The following ALMS1 variants were observed in gnomAD, a reference collection of about 807,000 sequenced individuals.
ALMS1 encodes the protein ALMS1 centrosome and basal body associated protein, also known as centrosome-associated protein ALMS1.
ALMS1 carries 271 observed loss-of-function variants against 352.2 expected under a neutral mutation model. The observed-to-expected ratio is 0.77, with a 90% CI of 0.70 to 0.85. The LOEUF is 0.85. Ranked by LOEUF, ALMS1 falls within the 40% of genes least tolerant of loss-of-function variation. The probability of loss-of-function intolerance (pLI) is 0.00; values close to 1 mark genes in which losing one functional copy is unlikely to be tolerated. For synonymous variants in ALMS1, 1,865 were observed against 1,761.2 expected (o/e 1.06, Z -1.48); for missense variants, 5,445 against 4,870.7 (o/e 1.12, Z -3.51).
intron 16 of ALMS1, among the ~76,000 whole-genome samples, chr2:73,590,306 A>G (rs188860450): frequency 6.1e-4 from 93 of 152,314 alleles, no homozygotes; most frequent in African/African-American, 1.6e-3. Flanking sequence ...CTTGATTTAA[A>G]TATCTGGTAA....
At chr2:73,410,066 T>C (rs2103679386) in intron 2 of ALMS1, among the ~76,000 whole-genome samples, 1 of 152,272 alleles carries the variant, frequency 6.6e-6, no homozygotes, top group Admixed American at 6.5e-5. Flanking sequence ...TTTACTTAGT[T>C]TCCAGATTCA....
intron 1 of ALMS1, among the ~76,000 whole-genome samples, chr2:73,390,072 C>T (rs1200110135): frequency 6.6e-6 from 1 of 151,878 alleles, no homozygotes. Flanking sequence ...TTTTTCTTTC[C>T]CCTGAGAAAA....
rs200684911 is a variant in ALMS1, at chr2:73,453,808, G to A, written c.7281G>A (p.Ser2427=). ...SDASDGNGSC[S]WDSNLPESLE... ...CCAGTGATGGAAATGGTTCCTGCTC[G>A]TGGGACAGTAATTTACCAGAGTCTT... The change falls in exon 8 of 23, where the codon TCG becomes TCA. Residue 2427 remains serine (S), a synonymous_variant. Coordinates refer to ENST00000613296, the MANE Select transcript of ALMS1 (RefSeq NM_001378454.1). 1.2e-5 allele frequency: 20 copies of A among 1,613,996 alleles called. No homozygotes were observed. Among genetic ancestry groups the A allele is most frequent in the African/African-American group, 5.3e-5 (4 of 74,902 alleles).
chr2:73,509,023 A>G (rs776924021), intron 10 of ALMS1, among the ~76,000 whole-genome samples: 3 of 151,680 alleles, frequency 2.0e-5, no homozygotes, highest in Non-Finnish European at 4.4e-5. Context: ...AGTCTGTTTT[A>G]TCAGAGACTA....
chr2:73,449,638 C>T lies in ALMS1; in HGVS notation c.3111C>T (p.Asp1037=), dbSNP rs1671884843. The T allele has an allele frequency of 1.2e-6, 2 of 1,614,046 alleles. No individual in the cohort carries two copies. The highest frequency in any genetic ancestry group is 1.7e-6 in the Non-Finnish European group (2 of 1,179,964). The change falls in exon 8 of 23, where the codon GAC becomes GAT. Residue 1037 remains aspartate, a synonymous_variant. Transcript: ENST00000613296. The part of the protein sequence containing the change: ...LKVSTGPGPA[D]QKTEIPAVQS... ...TTTCAACTGGCCCTGGACCAGCTGA[C>T]CAGAAGACTGAGATACCAGCAGTAC...
chr2:73,457,178 G>T (rs1672083122), intron 9 of ALMS1: 1 of 151,960 alleles, frequency 6.6e-6, no homozygotes, highest in Non-Finnish European at 1.5e-5. Flanking sequence ...CAAAAACCAT[G>T]AACTGCTGCC....
intron 10 of ALMS1, among the ~76,000 whole-genome samples, chr2:73,504,801 T>C (rs1673287198): frequency 6.6e-6 from 1 of 152,160 alleles, no homozygotes; most frequent in African/African-American, 2.4e-5. Flanking sequence ...TACATAGGTA[T>C]ACATGTGCCA....
intron 1 of ALMS1, among the ~76,000 whole-genome samples, chr2:73,402,605 G>T (rs948877592): frequency 6.6e-6 from 1 of 151,966 alleles, no homozygotes; most frequent in Non-Finnish European, 1.5e-5. Flanking sequence ...ACTGTTTTCC[G>T]CAATTGCTGC....
intron 15 of ALMS1, among the ~76,000 whole-genome samples, chr2:73,563,682 C>G (rs551818930): frequency 7.3e-6 from 1 of 136,390 alleles, no homozygotes; most frequent in South Asian, 2.3e-4. Flanking sequence ...GAGATCACGC[C>G]ACTGCACTCC....
At chr2:73,417,184 A>C (rs903324030) in intron 2 of ALMS1, among the ~76,000 whole-genome samples, 2 of 152,190 alleles carry the variant, frequency 1.3e-5, no homozygotes, top group African/African-American at 2.4e-5. Flanking sequence ...AAATTCAAGA[A>C]ATAGAGAAAA....
intron 1 of ALMS1, among the ~76,000 whole-genome samples, chr2:73,388,120 T>G (rs751970926): frequency 1.6e-4 from 24 of 152,296 alleles, no homozygotes; most frequent in Non-Finnish European, 2.5e-4. Flanking sequence ...GCTAGAGATT[T>G]CAAGTTGTAA....
At chr2:73,601,804 G>A (rs1305449820) in intron 19 of ALMS1, among the ~76,000 whole-genome samples, 4 of 152,180 alleles carry the variant, frequency 2.6e-5, no homozygotes, top group Non-Finnish European at 4.4e-5. Flanking sequence ...GCTCCATGTC[G>A]GATTTAAAGG....
At chr2:73,386,272 A>G (rs956885717) in intron 1 of ALMS1, 80 bp downstream of exon 1, 13 of 1,415,958 alleles carry the variant, frequency 9.2e-6, no homozygotes, top group Admixed American at 2.8e-5. Context: ...GCCCGCCCGC[A>G]GGTCACGCCG....
chr2:73,481,056 G>C (rs868324430), intron 9 of ALMS1, among the ~76,000 whole-genome samples: 4,266 of 151,340 alleles, frequency 0.028, 192 homozygotes, highest in African/African-American at 0.097. Flanking sequence ...AGTTTCTTTT[G>C]CTGTGCAGAA....
chr2:73,434,063 T>C (rs184013764), intron 7 of ALMS1, among the ~76,000 whole-genome samples: 70 of 152,172 alleles, frequency 4.6e-4, no homozygotes, highest in African/African-American at 1.7e-3. Context: ...TAAACTGGTT[T>C]CTTTATTTTT....
intron 16 of ALMS1, among the ~76,000 whole-genome samples, chr2:73,594,677 T>G (rs1173752683): frequency 6.6e-6 from 1 of 152,200 alleles, no homozygotes; most frequent in African/African-American, 2.4e-5. Context: ...TTAACTTAAA[T>G]CCAATATCTC....
Position 73,489,822 on chromosome 2 carries a change from A to C in ALMS1, c.7863A>C (p.Ser2621=), listed in dbSNP as rs1419869212. The part of the protein sequence containing the change: ...EMTRGRQNPS[S]CRAKHVNLSA... ...CCAGAGGACGGCAGAACCCATCATC[A>C]TGCAGAGCCAAGCATGTCAACCTTT... The change falls in exon 10 of 23, where the codon TCA becomes TCC. Residue 2621 remains serine (S), a synonymous_variant. Coordinates refer to ENST00000613296, the MANE Select transcript of ALMS1 (RefSeq NM_001378454.1). 1 of 1,614,146 alleles carries C rather than the reference A, an allele frequency of 6.2e-7. No individual in the cohort carries two copies. Among genetic ancestry groups the C allele is most frequent in the Non-Finnish European group, 8.5e-7 (1 of 1,180,022 alleles).
At chr2:73,418,877 C>G (rs761515175) in intron 2 of ALMS1, among the ~76,000 whole-genome samples, 1 of 152,096 alleles carries the variant, frequency 6.6e-6, no homozygotes, top group Non-Finnish European at 1.5e-5. Context: ...TATACACTGG[C>G]AGCGGCGTAC....
chr2:73,448,714 GT>G lies in ALMS1; in HGVS notation c.2189del (p.Phe730SerfsTer49), dbSNP rs775085590. The G allele has an allele frequency of 3.1e-6, 5 of 1,605,240 alleles. No individual in the cohort carries two copies. The South Asian group carries it at 5.5e-5, about 18-fold the overall frequency. On this transcript the variant is annotated frameshift_variant, in exon 8 of 23. Transcript: ENST00000613296. LOFTEE classifies it high-confidence loss of function. ...AGCCTGGTATTTTTTACCAACAAGAGTTCGCAGACAGTCATCAAACTGAAGA... is the reference window on the plus strand; with the variant it reads ...AGCCTGGTATTTTTTACCAACAAGAGTCGCAGACAGTCATCAAACTGAAGA... Reference protein sequence around the residue: ...EKPGIFYQQEFADSHQTEETL... With the variant: ...EKPGIFYQQEXADSHQTEETL...
Sources: gnomAD v4.1 joint callset for allele counts (sites outside exome capture counted in the v4.1 genomes callset) on GRCh38, gnomAD v4.1.1 for gene constraint, MANE v1.5 for transcripts, NCBI Gene and HGNC (gene_info 2026-07-23, HGNC 2026-07-21) for gene names.